DDAH1: variants seen among roughly 807,000 people sequenced by gnomAD.
DDAH1 encodes the protein dimethylarginine dimethylaminohydrolase 1.
A neutral mutation model predicts 28.8 loss-of-function variants in DDAH1; 19 were observed. That is an observed-to-expected ratio of 0.66 (90% CI 0.46 to 0.97). DDAH1 has a LOEUF of 0.97. DDAH1 is among the 50% of genes least tolerant of loss of function. The pLI, the probability that DDAH1 is intolerant of heterozygous loss-of-function variation, is 0.00. For synonymous variants in DDAH1, 153 were observed against 154.4 expected, an observed-to-expected ratio of 0.99 and a Z score of 0.07; for missense variants, 326 against 375.9, an observed-to-expected ratio of 0.87 and a Z score of 1.10.
At chr1:85,425,833 T>C (rs1334852498) in intron 1 of DDAH1, among the ~76,000 whole-genome samples, 1 of 152,192 alleles carries the variant, frequency 6.6e-6, no homozygotes, top group Non-Finnish European at 1.5e-5. Context: ...TGAGTGACTT[T>C]GGTTAAGGAC....
chr1:85,398,068 TAC>T (rs998561957), intron 1 of DDAH1, among the ~76,000 whole-genome samples: 1 of 151,878 alleles, frequency 6.6e-6, no homozygotes, highest in African/African-American at 2.4e-5. Flanking sequence ...CACACAGCAT[TAC>T]AGTGAGTGAG....
intron 1 of DDAH1, among the ~76,000 whole-genome samples, chr1:85,371,193 C>G (rs1650366815): frequency 6.6e-6 from 1 of 152,174 alleles, no homozygotes; most frequent in African/African-American, 2.4e-5. Flanking sequence ...CCAATGCCAT[C>G]TAGATCAAAG....
At chr1:85,567,753 G>C (rs1213982345) in intron 1 of DDAH1, among the ~76,000 whole-genome samples, 1 of 152,072 alleles carries the variant, frequency 6.6e-6, no homozygotes, top group Non-Finnish European at 1.5e-5. Flanking sequence ...GAAGTAAAAA[G>C]AAAAATAGAC....
intron 1 of DDAH1, among the ~76,000 whole-genome samples, chr1:85,515,714 G>A (rs1657445313): frequency 2.0e-5 from 3 of 151,562 alleles, no homozygotes; most frequent in African/African-American, 7.3e-5. Context: ...TTAGGGTGTA[G>A]AAATCTAGCT....
intron 1 of DDAH1, among the ~76,000 whole-genome samples, chr1:85,438,344 A>T (rs1557631300): frequency 1.3e-5 from 2 of 152,196 alleles, no homozygotes; most frequent in Non-Finnish European, 1.5e-5. Context: ...AGAAGAAAAA[A>T]ATTTTAGGGC....
At chr1:85,475,332 G>C (rs922047761) in intron 2 of DDAH1, among the ~76,000 whole-genome samples, 2 of 152,196 alleles carry the variant, frequency 1.3e-5, no homozygotes, top group Admixed American at 6.5e-5. Flanking sequence ...GGAGGAGAAG[G>C]GGGAGGAGGA....
At chr1:85,536,318 G>C (rs1190180238) in intron 1 of DDAH1, among the ~76,000 whole-genome samples, 12 of 151,982 alleles carry the variant, frequency 7.9e-5, no homozygotes, top group Non-Finnish European at 1.3e-4. Context: ...ACTTTGGGAG[G>C]TGGAGGTGGG....
intron 1 of DDAH1, among the ~76,000 whole-genome samples, chr1:85,441,621 A>C (rs1217690913): frequency 6.6e-6 from 1 of 152,044 alleles, no homozygotes; most frequent in East Asian, 1.9e-4. Context: ...CTCTCAGATC[A>C]CTCAATTGCT....
At chr1:85,529,353 C>A (rs1199674153) in intron 1 of DDAH1, among the ~76,000 whole-genome samples, 1 of 152,048 alleles carries the variant, frequency 6.6e-6, no homozygotes, top group Admixed American at 6.6e-5. Flanking sequence ...CCTATCCATA[C>A]CTTTTCTTGA....
At chr1:85,555,073 T>C (rs1658922284) in intron 1 of DDAH1, among the ~76,000 whole-genome samples, 1 of 152,260 alleles carries the variant, frequency 6.6e-6, no homozygotes, top group African/African-American at 2.4e-5. Flanking sequence ...TCTGCCTCCT[T>C]ATATCCTAAG....
chr1:85,450,644 G>C (rs916648287), intron 1 of DDAH1, among the ~76,000 whole-genome samples: 1 of 152,140 alleles, frequency 6.6e-6, no homozygotes, highest in African/African-American at 2.4e-5. Flanking sequence ...AAAAAACTTT[G>C]ATCTTCATGC....
At chr1:85,336,121 C>T (rs368770105) in intron 4 of DDAH1, among the ~76,000 whole-genome samples, 1 of 152,100 alleles carries the variant, frequency 6.6e-6, no homozygotes, top group Admixed American at 6.5e-5. Flanking sequence ...AACAAAGACA[C>T]GTTAGATTTA....
chr1:85,335,240 C>T (rs1648030407), intron 4 of DDAH1, among the ~76,000 whole-genome samples: 1 of 152,108 alleles, frequency 6.6e-6, no homozygotes, highest in Non-Finnish European at 1.5e-5. Flanking sequence ...CAGAAAACCA[C>T]TAAATAACAG....
intron 1 of DDAH1, among the ~76,000 whole-genome samples, chr1:85,442,664 A>G (rs1654253586): frequency 6.6e-6 from 1 of 152,106 alleles, no homozygotes; most frequent in South Asian, 2.1e-4. Flanking sequence ...AAGTGTTCCT[A>G]TTTCTCCACA....
At chr1:85,454,044 C>T (rs1570565052) in intron 1 of DDAH1, among the ~76,000 whole-genome samples, 1 of 151,286 alleles carries the variant, frequency 6.6e-6, no homozygotes, top group Non-Finnish European at 1.5e-5. Flanking sequence ...TCTCAGCCCC[C>T]ACCTGGATGC....
chr1:85,323,925 T>C (rs1344127557), intron 5 of DDAH1, among the ~76,000 whole-genome samples: 4 of 143,380 alleles, frequency 2.8e-5, no homozygotes, highest in Non-Finnish European at 6.0e-5. Context: ...GACATGATTA[T>C]GCCACTGCAC....
chr1:85,321,689 G>A (rs1661351876), intron 5 of DDAH1, 121 bp from the exon 6 acceptor site: 1 of 787,854 alleles, frequency 1.3e-6, no homozygotes, highest in Non-Finnish European at 2.2e-6. Flanking sequence ...AAGACACACA[G>A]GCAGTCTCAA....
At chr1:85,328,161 C>T (rs920506293) in intron 4 of DDAH1, among the ~76,000 whole-genome samples, 5 of 152,196 alleles carry the variant, frequency 3.3e-5, no homozygotes, top group Admixed American at 2.6e-4. Flanking sequence ...CAGAAGGGCA[C>T]TATACTCTGT....
At chr1:85,567,476 T>C (rs1253927477) in intron 1 of DDAH1, among the ~76,000 whole-genome samples, 1 of 152,252 alleles carries the variant, frequency 6.6e-6, no homozygotes, top group Admixed American at 6.5e-5. Context: ...GCCATCCATG[T>C]AAGATGTGAC....
Sources: gnomAD v4.1 joint callset for allele counts (sites outside exome capture counted in the v4.1 genomes callset) on GRCh38, gnomAD v4.1.1 for gene constraint, MANE v1.5 for transcripts, NCBI Gene and HGNC (gene_info 2026-07-23, HGNC 2026-07-21) for gene names.